Variants in SV2C observed in about 807,000 individuals in gnomAD.
SV2C encodes solute carrier family 22 member B3.
SV2C carries 49 observed loss-of-function variants against 79.7 expected under a neutral mutation model. The ratio of observed to expected loss-of-function variants is 0.61; its 90% CI spans 0.49 to 0.78. The LOEUF is 0.78. SV2C is among the 30% of genes least tolerant of loss of function. The pLI is 0.00. For missense variants in SV2C, 833 were observed against 912.9 expected (o/e 0.91, Z 1.13); for synonymous variants, 334 against 333.2 (o/e 1.00, Z -0.03).
At chr5:76,016,526 C>T in the SV2C span, among the ~76,000 whole-genome samples, 3 of 152,092 alleles carry the variant, frequency 2.0e-5, no homozygotes, top group African/African-American at 7.2e-5. Context: ...AACTTGAAAC[C>T]TCTCAGTATC....
At chr5:76,213,573 T>C (rs1744832315) in intron 4 of SV2C, among the ~76,000 whole-genome samples, 1 of 152,210 alleles carries the variant, frequency 6.6e-6, no homozygotes, top group South Asian at 2.1e-4. Flanking sequence ...AGACACAGCA[T>C]TGAGAGTTTT....
At chr5:76,023,289 C>G in the SV2C span, among the ~76,000 whole-genome samples, 1 of 152,176 alleles carries the variant, frequency 6.6e-6, no homozygotes. Context: ...ATAAAGTAGT[C>G]AAGAGAGACC....
At chr5:76,318,125 A>G (rs1748698408) in intron 12 of SV2C, among the ~76,000 whole-genome samples, 1 of 152,194 alleles carries the variant, frequency 6.6e-6, no homozygotes. Context: ...ACCACCAACT[A>G]AAACATAAAA....
chr5:76,030,289 T>TTTTTTTATTTATTTA, the SV2C span, among the ~76,000 whole-genome samples: 94 of 117,896 alleles, frequency 8.0e-4, 2 homozygotes, highest in African/African-American at 3.5e-3. Context: ...TTTTTTTTTT[T>TTTTTTTATTTATTTA]TTTATTTATT....
At position 76,142,794 on chromosome 5, in the gene SV2C, C is replaced by G. The variant is rs538444461; in HGVS notation, c.580+10464C>G. Among the ~76,000 whole-genome samples the G allele has an allele frequency of 4.6e-5, 7 of 151,802 alleles. No individual in the cohort carries two copies. In the South Asian group the frequency reaches 1.5e-3, roughly 32 times the overall value. On this transcript the variant is annotated intron_variant, in intron 2 of 12. Coordinates refer to ENST00000502798, the MANE Select transcript of SV2C (RefSeq NM_014979.4). Reference sequence around the variant, plus strand: ...AGAAGAAAATAATATGGCAAATATTCAATAATTTTGGAAATGCCAGACAAC... The same window carrying G: ...AGAAGAAAATAATATGGCAAATATTGAATAATTTTGGAAATGCCAGACAAC...
At chr5:76,154,706 A>C (rs1181403918) in intron 2 of SV2C, among the ~76,000 whole-genome samples, 2 of 152,226 alleles carry the variant, frequency 1.3e-5, no homozygotes, top group Non-Finnish European at 2.9e-5. Context: ...TAAAGAACAT[A>C]AAACTAACCA....
At chr5:75,899,597 C>T in the SV2C span, among the ~76,000 whole-genome samples, 2 of 152,048 alleles carry the variant, frequency 1.3e-5, no homozygotes, top group Admixed American at 6.6e-5. Flanking sequence ...TGGTGCAGAG[C>T]TGAGTTCAAT....
chr5:76,218,579 G>A (rs1355791866), intron 4 of SV2C, among the ~76,000 whole-genome samples: 2 of 152,136 alleles, frequency 1.3e-5, no homozygotes, highest in East Asian at 3.9e-4. Flanking sequence ...CACAGGGAGG[G>A]GAACATCATA....
chr5:76,310,993 GAAGGCTTTGC>G (rs1329336222), intron 12 of SV2C, among the ~76,000 whole-genome samples: 2 of 152,218 alleles, frequency 1.3e-5, no homozygotes, highest in African/African-American at 4.8e-5. Context: ...GACATTGAGA[GAAGGCTTTGC>G]AAGTTAGACT....
chr5:76,202,894 T>C (rs1040089212), intron 3 of SV2C, among the ~76,000 whole-genome samples: 12 of 152,224 alleles, frequency 7.9e-5, no homozygotes, highest in Non-Finnish European at 1.3e-4. Flanking sequence ...CACGTTAAAA[T>C]AATATTTTAC....
chr5:75,870,780 CAAAT>C, the SV2C span, among the ~76,000 whole-genome samples: 9,390 of 152,180 alleles, frequency 0.062, 335 homozygotes, highest in Admixed American at 0.085. Flanking sequence ...AGAACGGAAA[CAAAT>C]AACATACAAT....
downstream of SV2C, among the ~76,000 whole-genome samples, chr5:76,336,076 C>G (rs1332775467): frequency 8.4e-5 from 5 of 59,858 alleles, no homozygotes; most frequent in Non-Finnish European, 1.7e-4. Flanking sequence ...CCCTCCCGGA[C>G]GGGGCGGCTG....
At chr5:76,341,473 G>A (rs1175581056) in intron 12 of SV2C, among the ~76,000 whole-genome samples, 4 of 152,172 alleles carry the variant, frequency 2.6e-5, no homozygotes, top group South Asian at 2.1e-4. Flanking sequence ...TGGAGGTGCC[G>A]GGGCTTAAGT....
intron 2 of SV2C, among the ~76,000 whole-genome samples, chr5:76,138,848 G>A (rs1465767335): frequency 6.6e-6 from 1 of 152,246 alleles, no homozygotes; most frequent in African/African-American, 2.4e-5. Flanking sequence ...GCCGGGCACA[G>A]CGGCTCACGC....
At chr5:76,053,136 C>T in the SV2C span, among the ~76,000 whole-genome samples, 1 of 149,350 alleles carries the variant, frequency 6.7e-6, no homozygotes, top group East Asian at 2.0e-4. Context: ...GAGTAGAATA[C>T]TCAAGAACTT....
At chr5:75,898,860 G>A in the SV2C span, among the ~76,000 whole-genome samples, 10 of 152,208 alleles carry the variant, frequency 6.6e-5, no homozygotes, top group African/African-American at 2.2e-4. Context: ...TTGCGTAGAG[G>A]TGTTTGTAGT....
chr5:75,877,657 T>C, the SV2C span, among the ~76,000 whole-genome samples: 3 of 151,088 alleles, frequency 2.0e-5, no homozygotes, highest in African/African-American at 7.3e-5. Context: ...AACAACACAC[T>C]TCTAAATATC....
chr5:76,205,031 C>T (rs1465624088), intron 3 of SV2C, among the ~76,000 whole-genome samples: 2 of 152,166 alleles, frequency 1.3e-5, no homozygotes, highest in African/African-American at 2.4e-5. Flanking sequence ...CTTTGCCTTG[C>T]ACAATATGCC....
chr5:76,090,148 A>G (rs535795431), intron 1 of SV2C, among the ~76,000 whole-genome samples: 3 of 152,322 alleles, frequency 2.0e-5, no homozygotes, highest in East Asian at 3.9e-4. Context: ...AGGAGCACCT[A>G]TCTGTGGGCT....
Sources: allele counts gnomAD v4.1 joint callset (sites outside exome capture counted in the v4.1 genomes callset), GRCh38; gene constraint gnomAD v4.1.1; transcripts MANE v1.5; gene names NCBI Gene and HGNC (gene_info 2026-07-23, HGNC 2026-07-21).